Variants in PRKN observed in about 807,000 individuals in gnomAD.
PRKN encodes the protein parkin RBR E3 ubiquitin protein ligase.
A neutral mutation model predicts 59.5 loss-of-function variants in PRKN; 56 were observed. The ratio of observed to expected loss-of-function variants is 0.94; its 90% CI spans 0.76 to 1.18. The LOEUF is 1.18. Ranked by LOEUF, PRKN falls within the 50% of genes most tolerant of loss-of-function variation. The pLI, the probability that PRKN is intolerant of heterozygous loss-of-function variation, is 0.00. For synonymous variants in PRKN, 250 were observed against 222.1 expected (o/e 1.13, Z -1.12); for missense variants, 657 against 596.4 (o/e 1.10, Z -1.06).
chr6:162,377,955 C>G (rs1011492167), intron 2 of PRKN, among the ~76,000 whole-genome samples: 1 of 152,112 alleles, frequency 6.6e-6, no homozygotes, highest in African/African-American at 2.4e-5. Flanking sequence ...CTTGGGAGAA[C>G]GCCTAGTAAA....
In PRKN at chr6:161,352,769, A is replaced by T. The variant is rs1003028162; in HGVS notation, c.1286-2558T>A. 1.8e-4 allele frequency among the ~76,000 whole-genome samples: 21 copies of T among 119,448 alleles called. No homozygotes were observed. The highest frequency in any genetic ancestry group is 4.7e-4 in the African/African-American group (16 of 34,328). The allele number at this position is 119,448 out of a possible 152,430, so 78.4% of individuals were successfully genotyped here. On this transcript the variant is annotated intron_variant, in intron 11 of 11. Coordinates refer to ENST00000366898, the MANE Select transcript of PRKN (RefSeq NM_004562.3). This position sits in a 1 kb window ranked among gnomAD's most constrained non-coding sequence, Gnocchi z 5.8. ...TGTGTGTGTGTGTATATATATATAT[A>T]TATTTTATTTTATTTTATTTTATTT... is the stretch of plus-strand genomic sequence containing the variant.
At chr6:162,002,338 G>A (rs1206165695) in intron 5 of PRKN, among the ~76,000 whole-genome samples, 1 of 151,982 alleles carries the variant, frequency 6.6e-6, no homozygotes, top group Non-Finnish European at 1.5e-5. Flanking sequence ...TTTTAAGATA[G>A]GTACCATTCT....
chr6:161,871,552 T>C (rs1323840185), intron 6 of PRKN, among the ~76,000 whole-genome samples: 1 of 152,162 alleles, frequency 6.6e-6, no homozygotes, highest in Non-Finnish European at 1.5e-5. Context: ...TCCTAGACTC[T>C]ACAAAGAATG....
At chr6:162,138,125 C>A (rs1308405141) in intron 4 of PRKN, among the ~76,000 whole-genome samples, 1 of 152,078 alleles carries the variant, frequency 6.6e-6, no homozygotes, top group Non-Finnish European at 1.5e-5. Context: ...GTGACTTGCA[C>A]AGAGAGAGTT....
intron 5 of PRKN, among the ~76,000 whole-genome samples, chr6:161,979,028 G>GA (rs1157021192): frequency 6.6e-6 from 1 of 152,098 alleles, no homozygotes; most frequent in Non-Finnish European, 1.5e-5. Flanking sequence ...GCTACAGAAA[G>GA]ATTCCCCCAC....
chr6:161,737,743 A>G (rs1788023688), intron 7 of PRKN, among the ~76,000 whole-genome samples: 1 of 152,202 alleles, frequency 6.6e-6, no homozygotes, highest in African/African-American at 2.4e-5. Context: ...AGATGACTCC[A>G]TAAACATGGC....
Position 161,350,053 on chromosome 6 carries a change from G to T in PRKN, c.*46C>A, listed in dbSNP as rs892646687. Reference sequence around the variant, plus strand: ...AATTAGAAAATGAAGGTAGACACTGGGTATGCTCCCCCAGGATGTGGCGAT... The same window carrying T: ...AATTAGAAAATGAAGGTAGACACTGTGTATGCTCCCCCAGGATGTGGCGAT... On this transcript the variant is annotated 3_prime_UTR_variant, in exon 12 of 12. Transcript: ENST00000366898. 3 of 1,161,968 alleles carry T rather than the reference G, an allele frequency of 2.6e-6. No individual in the cohort carries two copies. Among genetic ancestry groups the T allele is most frequent in the Non-Finnish European group, 3.9e-6 (3 of 772,384 alleles). The allele number at this position is 1,161,968 out of a possible 1,614,324, so 72.0% of individuals were successfully genotyped here.
At chr6:162,510,248 T>G (rs1209523938) in intron 1 of PRKN, among the ~76,000 whole-genome samples, 1 of 152,228 alleles carries the variant, frequency 6.6e-6, no homozygotes, top group Non-Finnish European at 1.5e-5. Context: ...AGTTGAGTAT[T>G]TTCCTCTTTT....
At chr6:162,559,034 C>A (rs1779728353) in intron 1 of PRKN, among the ~76,000 whole-genome samples, 2 of 151,660 alleles carry the variant, frequency 1.3e-5, no homozygotes, top group African/African-American at 2.4e-5. Flanking sequence ...GCCTGTAGTC[C>A]CAGCTACTTG....
chr6:162,581,000 G>A lies in PRKN; in HGVS notation c.8-137527C>T, dbSNP rs192863031. ...AAAACATTAATATCCCAGGCTCCTC[G>A]GGTACCAGAATGGAGTCAATGCTAG... On this transcript the variant is annotated intron_variant, in intron 1 of 11. Coordinates refer to ENST00000366898, the MANE Select transcript of PRKN (RefSeq NM_004562.3). 1.1e-4 allele frequency among the ~76,000 whole-genome samples: 16 copies of A among 152,242 alleles called. No individual in the cohort carries two copies. The East Asian group carries it at 1.7e-3, about 17-fold the overall frequency.
At chr6:162,335,077 G>T (rs925439027) in intron 2 of PRKN, among the ~76,000 whole-genome samples, 2 of 152,206 alleles carry the variant, frequency 1.3e-5, no homozygotes, top group Admixed American at 1.3e-4. Context: ...GCAGTGGCCT[G>T]ATCTTAGCTC....
intron 3 of PRKN, among the ~76,000 whole-genome samples, chr6:162,241,640 A>G (rs766411704): frequency 2.6e-5 from 4 of 152,180 alleles, no homozygotes; most frequent in Non-Finnish European, 5.9e-5. Flanking sequence ...TACTTTATTC[A>G]AGAGTATAAG....
chr6:161,376,698 C>T lies in PRKN; in HGVS notation c.1167+10096G>A, dbSNP rs1785719716. ...TGGTGGAGGGTGGATGCGAAGGGCT[C>T]ACCTCTAGCCTCCTACCTCTGGCTC... On this transcript the variant is annotated intron_variant, in intron 10 of 11. Coordinates refer to ENST00000366898, the MANE Select transcript of PRKN (RefSeq NM_004562.3). This position sits in a 1 kb window ranked among gnomAD's most constrained non-coding sequence, Gnocchi z 7.3. Among the ~76,000 whole-genome samples the T allele has an allele frequency of 6.6e-6, 1 of 152,138 alleles. No homozygotes were observed. Among genetic ancestry groups the T allele is most frequent in the Non-Finnish European group, 1.5e-5 (1 of 68,024 alleles).
At chr6:161,888,695 C>G (rs1795238469) in intron 6 of PRKN, among the ~76,000 whole-genome samples, 1 of 152,154 alleles carries the variant, frequency 6.6e-6, no homozygotes, top group Non-Finnish European at 1.5e-5. Context: ...CTCCAGCATC[C>G]TTTGATCATC....
intron 2 of PRKN, among the ~76,000 whole-genome samples, chr6:162,312,186 T>A (rs1782545762): frequency 6.6e-6 from 1 of 152,126 alleles, no homozygotes; most frequent in Non-Finnish European, 1.5e-5. Flanking sequence ...GCAGGTTCAA[T>A]CTTAAGAATT....
At chr6:161,630,178 T>C (rs1336625219) in intron 7 of PRKN, among the ~76,000 whole-genome samples, 1 of 152,198 alleles carries the variant, frequency 6.6e-6, no homozygotes, top group East Asian at 1.9e-4. Flanking sequence ...GGGAAACTCA[T>C]AATATAATAT....
intron 6 of PRKN, among the ~76,000 whole-genome samples, chr6:161,843,289 C>T (rs1254864543): frequency 1.3e-5 from 2 of 152,182 alleles, no homozygotes; most frequent in Non-Finnish European, 2.9e-5. Flanking sequence ...ACCACAGAGC[C>T]ACTGAAGCCA....
chr6:162,593,503 T>C (rs926319133), intron 1 of PRKN, among the ~76,000 whole-genome samples: 2 of 152,198 alleles, frequency 1.3e-5, no homozygotes, highest in African/African-American at 4.8e-5. Flanking sequence ...TCTCTGGACT[T>C]TACACAGTAC....
chr6:161,637,744 A>T (rs577202426), intron 7 of PRKN, among the ~76,000 whole-genome samples: 1 of 152,298 alleles, frequency 6.6e-6, no homozygotes, highest in Admixed American at 6.5e-5. Flanking sequence ...CAGGTTGGTA[A>T]AAAGTTAAGT....
Sources: allele counts gnomAD v4.1 joint callset (sites outside exome capture counted in the v4.1 genomes callset), GRCh38; gene constraint gnomAD v4.1.1; non-coding constraint Gnocchi (gnomAD v3.1); transcripts MANE v1.5; gene names NCBI Gene and HGNC (gene_info 2026-07-23, HGNC 2026-07-21).